Variants in TET3 observed in about 807,000 individuals in gnomAD.
TET3 encodes the protein tet methylcytosine dioxygenase 3, also known as methylcytosine dioxygenase TET3.
In TET3, 19 loss-of-function variants were observed where a neutral mutation model predicts 141.4. The ratio of observed to expected loss-of-function variants is 0.13; its 90% CI spans 0.09 to 0.20. TET3 has a LOEUF of 0.20. Ranked by LOEUF, TET3 falls within the 10% of genes least tolerant of loss-of-function variation. The pLI is 1.00. For missense variants in TET3, 1,874 were observed against 2,356.9 expected, an observed-to-expected ratio of 0.80 and a Z score of 4.24; for synonymous variants, 1,043 against 980.9, an observed-to-expected ratio of 1.06 and a Z score of -1.18.
chr2:73,992,256 AC>A (rs1416008869), intron 2 of TET3, among the ~76,000 whole-genome samples: 23 of 151,704 alleles, frequency 1.5e-4, no homozygotes, highest in Non-Finnish European at 2.4e-4. Context: ...TTCACTTCCT[AC>A]TGAACACCTG....
chr2:74,122,382 C>T, the TET3 span: 2 of 150,218 alleles, frequency 1.3e-5, no homozygotes, highest in South Asian at 4.2e-4. Context: ...ACTCAGAAGG[C>T]AGTTACATAG....
intron 5 of TET3, among the ~76,000 whole-genome samples, chr2:74,075,492 C>G (rs906177354): frequency 6.6e-6 from 1 of 151,478 alleles, no homozygotes; most frequent in African/African-American, 2.4e-5. Flanking sequence ...CCACTCCAGG[C>G]TGATTTTTGT....
At chr2:73,994,638 C>CTTTTTTTTTTTTTTTTT (rs572235939) in intron 2 of TET3, among the ~76,000 whole-genome samples, 8 of 96,748 alleles carry the variant, frequency 8.3e-5, no homozygotes, top group Admixed American at 3.2e-4. Flanking sequence ...TTCTTTCTTT[C>CTTTTTTTTTTTTTTTTT]TTTTTTTTTT....
At chr2:74,049,247 G>T (rs1193858251) in intron 4 of TET3, among the ~76,000 whole-genome samples, 1 of 152,172 alleles carries the variant, frequency 6.6e-6, no homozygotes, top group African/African-American at 2.4e-5. Flanking sequence ...GACAGGAAGT[G>T]AGTTCCCACT....
At chr2:74,124,091 C>A in the TET3 span, among the ~76,000 whole-genome samples, 3 of 151,356 alleles carry the variant, frequency 2.0e-5, no homozygotes, top group African/African-American at 7.3e-5. Context: ...AGTGAGGAGC[C>A]CCTCCGCCCA....
intron 4 of TET3, among the ~76,000 whole-genome samples, chr2:74,061,274 G>A (rs1315087571): frequency 3.5e-5 from 5 of 142,750 alleles, no homozygotes; most frequent in Non-Finnish European, 6.2e-5. Context: ...CGGATGGGGC[G>A]GCTGGCCAGG....
chr2:74,030,807 A>G (rs1686639704), intron 3 of TET3, among the ~76,000 whole-genome samples: 1 of 152,184 alleles, frequency 6.6e-6, no homozygotes, highest in Non-Finnish European at 1.5e-5. Flanking sequence ...TGTGAGAGAT[A>G]AATGAGGAGA....
At chr2:74,069,454 T>A (rs1334890000) in intron 4 of TET3, among the ~76,000 whole-genome samples, 1 of 151,422 alleles carries the variant, frequency 6.6e-6, no homozygotes, top group Non-Finnish European at 1.5e-5. Context: ...GTGATTTATA[T>A]AACATAGGAA....
At chr2:74,096,584 T>G (rs1235652058) in intron 10 of TET3, among the ~76,000 whole-genome samples, 1 of 148,598 alleles carries the variant, frequency 6.7e-6, no homozygotes, top group Non-Finnish European at 1.5e-5. Flanking sequence ...CTGGTCAACA[T>G]AGTGAAACCC....
intron 3 of TET3, among the ~76,000 whole-genome samples, chr2:74,024,279 G>A (rs2105259749): frequency 6.6e-6 from 1 of 152,328 alleles, no homozygotes; most frequent in South Asian, 2.1e-4. Flanking sequence ...GGTCTTGTAT[G>A]CTCATGGTTG....
At chr2:74,119,251 G>A in the TET3 span, among the ~76,000 whole-genome samples, 1 of 151,918 alleles carries the variant, frequency 6.6e-6, no homozygotes, top group Non-Finnish European at 1.5e-5. Context: ...TACTTCGGAG[G>A]CTGAGGCAGG....
intron 4 of TET3, among the ~76,000 whole-genome samples, chr2:74,068,396 C>T (rs1378742701): frequency 1.3e-5 from 2 of 152,092 alleles, no homozygotes; most frequent in East Asian, 3.9e-4. Flanking sequence ...CTTAAAATAT[C>T]TTGGAGGTCA....
the TET3 span, among the ~76,000 whole-genome samples, chr2:74,119,953 A>C: frequency 6.6e-6 from 1 of 152,224 alleles, no homozygotes; most frequent in African/African-American, 2.4e-5. Context: ...CAGCCCCTTC[A>C]AACTTATTCC....
chr2:74,011,679 C>CT (rs936830503), intron 3 of TET3, among the ~76,000 whole-genome samples: 67 of 151,976 alleles, frequency 4.4e-4, no homozygotes, highest in African/African-American at 1.6e-3. Context: ...AATCCATATC[C>CT]TTTTTTTTGC....
chr2:74,095,204 G>A (rs151054722), intron 10 of TET3, among the ~76,000 whole-genome samples: 38 of 152,232 alleles, frequency 2.5e-4, no homozygotes, highest in African/African-American at 8.4e-4. Flanking sequence ...GACCCACCTC[G>A]GGATTTCATT....
the TET3 span, among the ~76,000 whole-genome samples, chr2:74,124,129 G>GT: frequency 6.6e-6 from 1 of 151,600 alleles, no homozygotes. Context: ...GAGGTGGGGG[G>GT]CAGCCCCCGC....
chr2:74,093,695 C>A lies in TET3; in HGVS notation c.3267+29C>A. 1 of 1,542,254 alleles carries A rather than the reference C, an allele frequency of 6.5e-7. No homozygotes were observed. Among genetic ancestry groups the A allele is most frequent in the Non-Finnish European group, 8.8e-7 (1 of 1,136,874 alleles). The stretch of plus-strand genomic sequence containing the variant: ...AGCCTGTGCCCTGTCATAGCCCCAC[C>A]TGTGGGGCAACTGTGGGAGGGAGTC... On this transcript the variant is annotated intron_variant, in intron 10 of 11. Transcript: ENST00000409262. This position sits in a 1 kb window ranked among gnomAD's most constrained non-coding sequence, Gnocchi z 4.2.
At chr2:74,130,112 A>G in the TET3 span, among the ~76,000 whole-genome samples, 1 of 147,760 alleles carries the variant, frequency 6.8e-6, no homozygotes, top group Non-Finnish European at 1.5e-5. Context: ...AAAAAAAAAA[A>G]GTTGGCTTTA....
At chr2:74,079,939 C>T (rs1387913932) in intron 5 of TET3, among the ~76,000 whole-genome samples, 1 of 152,086 alleles carries the variant, frequency 6.6e-6, no homozygotes, top group Admixed American at 6.6e-5. Flanking sequence ...GGGCAGGTGA[C>T]GTGTGCAGGA....
Sources: gnomAD v4.1 joint callset for allele counts (sites outside exome capture counted in the v4.1 genomes callset) on GRCh38, gnomAD v4.1.1 for gene constraint, Gnocchi (gnomAD v3.1) non-coding constraint, MANE v1.5 for transcripts, NCBI Gene and HGNC (gene_info 2026-07-23, HGNC 2026-07-21) for gene names.